The following BAZ1A variants were observed in gnomAD, a reference collection of about 807,000 sequenced individuals.
BAZ1A encodes bromodomain adjacent to zinc finger domain 1A.
Under a neutral mutation model 185.2 loss-of-function variants are expected in BAZ1A, and 50 were observed. The observed-to-expected ratio is 0.27, with a 90% CI of 0.22 to 0.34. The LOEUF is 0.34. BAZ1A is among the 10% of genes least tolerant of loss of function. The probability of loss-of-function intolerance (pLI) is 1.00; values close to 1 mark genes in which losing one functional copy is unlikely to be tolerated. For synonymous variants in BAZ1A, 571 were observed against 615.6 expected (o/e 0.93, Z 1.07); for missense variants, 1,356 against 1,839.9 (o/e 0.74, Z 4.81).
rs376186216 is a variant in BAZ1A at position 34,874,482 on chromosome 14, C to G, written c.113+10G>C. 14 of 1,610,634 alleles carry G rather than the reference C, an allele frequency of 8.7e-6. No homozygotes were observed. In the South Asian group the frequency reaches 9.9e-5, roughly 11 times the overall value. On this transcript the variant is annotated intron_variant, in intron 2 of 26. Coordinates refer to ENST00000360310, the MANE Select transcript of BAZ1A (RefSeq NM_013448.3). The surrounding 1 kb of genome is among the most constrained non-coding windows in gnomAD (Gnocchi z 4.7). Reference sequence around the variant, plus strand: ...ACCCCCCGCGGCCCCGCACACGGCCCGGCTCTTACTCGTAGTGGCGGAAGA... The same window carrying G: ...ACCCCCCGCGGCCCCGCACACGGCCGGGCTCTTACTCGTAGTGGCGGAAGA...
intron 14 of BAZ1A, 86 bp downstream of exon 14, chr14:34,785,691 T>C: frequency 9.0e-7 from 1 of 1,116,738 alleles, no homozygotes; most frequent in East Asian, 2.4e-5. Context: ...TGATTTATTG[T>C]AAAATTTCTC....
At chr14:34,867,986 A>G (rs3783316) in intron 2 of BAZ1A, among the ~76,000 whole-genome samples, 83,662 of 152,094 alleles carry the variant, frequency 0.55, 23,993 homozygotes, top group Non-Finnish European at 0.65. Flanking sequence ...TTACTACTAT[A>G]AGCAAAAATG....
At chr14:34,764,376 C>T (rs1199633941) in intron 23 of BAZ1A, among the ~76,000 whole-genome samples, 1 of 149,972 alleles carries the variant, frequency 6.7e-6, no homozygotes, top group African/African-American at 2.5e-5. Flanking sequence ...TCACTGCAAC[C>T]TCCGCTCCCG....
chr14:34,860,704 C>T (rs1335172023), intron 3 of BAZ1A, among the ~76,000 whole-genome samples: 2 of 151,714 alleles, frequency 1.3e-5, no homozygotes, highest in Non-Finnish European at 2.9e-5. Context: ...GACAGGAGTT[C>T]AAGACCAGCC....
intron 3 of BAZ1A, among the ~76,000 whole-genome samples, chr14:34,846,673 T>C (rs1046910902): frequency 2.6e-5 from 4 of 152,222 alleles, no homozygotes; most frequent in African/African-American, 9.6e-5. Flanking sequence ...GACTTCCCAA[T>C]TTATACTATT....
chr14:34,808,491 C>A (rs982573511), intron 5 of BAZ1A, among the ~76,000 whole-genome samples: 3 of 151,978 alleles, frequency 2.0e-5, no homozygotes, highest in Admixed American at 6.6e-5. Context: ...GAGTGAGACT[C>A]TGTCTCAAAA....
intron 19 of BAZ1A, among the ~76,000 whole-genome samples, 181 bp from the exon 20 acceptor site, chr14:34,773,907 G>A (rs1879408576): frequency 6.6e-6 from 1 of 152,200 alleles, no homozygotes; most frequent in African/African-American, 2.4e-5. Flanking sequence ...CTTCATAGAT[G>A]AAAACCATAA....
intron 2 of BAZ1A, 39 bp from the exon 3 acceptor site, chr14:34,862,361 C>G: frequency 6.4e-7 from 1 of 1,552,930 alleles, no homozygotes; most frequent in Non-Finnish European, 8.7e-7. Flanking sequence ...AGCCCATTAC[C>G]TATCATTTCA....
At chr14:34,820,680 T>G (rs1464114479) in intron 4 of BAZ1A, among the ~76,000 whole-genome samples, 1 of 152,242 alleles carries the variant, frequency 6.6e-6, no homozygotes, top group Non-Finnish European at 1.5e-5. Context: ...TTTTCTTCTA[T>G]CTTTTCTAGG....
intron 3 of BAZ1A, 94 bp downstream of exon 3, chr14:34,861,950 A>C: frequency 7.2e-7 from 1 of 1,389,720 alleles, no homozygotes; most frequent in Non-Finnish European, 9.9e-7. Flanking sequence ...GCATAGTAAA[A>C]GGGAAGATTT....
intron 21 of BAZ1A, 38 bp from the exon 22 acceptor site, chr14:34,765,306 C>T: frequency 6.2e-7 from 1 of 1,601,086 alleles, no homozygotes; most frequent in Non-Finnish European, 8.5e-7. Context: ...ATTTTTTAGG[C>T]AAACCTAGTA....
chr14:34,790,664 T>C (rs1880784075), intron 12 of BAZ1A, among the ~76,000 whole-genome samples: 1 of 152,148 alleles, frequency 6.6e-6, no homozygotes, highest in African/African-American at 2.4e-5. Flanking sequence ...TTGTTTTATT[T>C]TTTGTAGAGA....
intron 20 of BAZ1A, among the ~76,000 whole-genome samples, chr14:34,772,704 T>C (rs1879303877): frequency 6.6e-6 from 1 of 152,138 alleles, no homozygotes; most frequent in Non-Finnish European, 1.5e-5. Context: ...AGCTTTGAAG[T>C]CCTGGGGTAC....
At chr14:34,873,438 G>C (rs1174269441) in intron 2 of BAZ1A, among the ~76,000 whole-genome samples, 1 of 152,206 alleles carries the variant, frequency 6.6e-6, no homozygotes, top group African/African-American at 2.4e-5. Context: ...CTTGCTCCGT[G>C]TCACAGGACT....
intron 26 of BAZ1A, 62 bp downstream of exon 26, chr14:34,754,765 A>G (rs8009900): frequency 0.36 from 411,795 of 1,154,076 alleles, 77,049 homozygotes; most frequent in Non-Finnish European, 0.39. Flanking sequence ...AATAAATATC[A>G]AAGATGCTAT....
chr14:34,857,696 C>G (rs1473917014), intron 3 of BAZ1A, among the ~76,000 whole-genome samples: 1 of 152,188 alleles, frequency 6.6e-6, no homozygotes, highest in Admixed American at 6.5e-5. Flanking sequence ...TTGTAGTAGC[C>G]TCCAAACTGG....
At chr14:34,829,635 T>C (rs1466763161) in intron 3 of BAZ1A, among the ~76,000 whole-genome samples, 1 of 152,184 alleles carries the variant, frequency 6.6e-6, no homozygotes, top group Non-Finnish European at 1.5e-5. Context: ...ATACAAAACT[T>C]GTCCCAAGAA....
chr14:34,841,185 T>C (rs1594893238), intron 3 of BAZ1A, among the ~76,000 whole-genome samples: 1 of 152,044 alleles, frequency 6.6e-6, no homozygotes, highest in Non-Finnish European at 1.5e-5. Flanking sequence ...TCAAAATCAG[T>C]ATTGTTAACT....
At chr14:34,852,721 A>G (rs1030845146) in intron 3 of BAZ1A, among the ~76,000 whole-genome samples, 2 of 152,246 alleles carry the variant, frequency 1.3e-5, no homozygotes, top group Non-Finnish European at 2.9e-5. Context: ...TTTTAAAAAA[A>G]TCAGATTTAT....
Sources: gnomAD v4.1 joint callset for allele counts (sites outside exome capture counted in the v4.1 genomes callset) on GRCh38, gnomAD v4.1.1 for gene constraint, Gnocchi (gnomAD v3.1) non-coding constraint, MANE v1.5 for transcripts, NCBI Gene and HGNC (gene_info 2026-07-23, HGNC 2026-07-21) for gene names.